REV3L: variants seen among roughly 807,000 people sequenced by gnomAD.
The protein encoded by REV3L is REV3 like, DNA directed polymerase zeta catalytic subunit.
In REV3L, 69 loss-of-function variants were observed where a neutral mutation model predicts 299.4. That is an observed-to-expected ratio of 0.23 (90% CI 0.19 to 0.28). The LOEUF (loss-of-function observed/expected upper bound fraction) is 0.28. Among genes scored for constraint, REV3L ranks in the 10% least tolerant of loss-of-function variants. The pLI is 1.00. For missense variants in REV3L, 3,128 were observed against 3,693.8 expected (o/e 0.85, Z 3.97); for synonymous variants, 1,238 against 1,271.4 (o/e 0.97, Z 0.56).
At chr6:111,337,148 C>T (rs185216674) in intron 21 of REV3L, among the ~76,000 whole-genome samples, 4 of 152,058 alleles carry the variant, frequency 2.6e-5, no homozygotes, top group Non-Finnish European at 5.9e-5. Flanking sequence ...GCAGGATTTC[C>T]ATTTAGAGTA....
chr6:111,394,706 ATTT>A (rs35239605), intron 4 of REV3L, among the ~76,000 whole-genome samples: 2 of 139,458 alleles, frequency 1.4e-5, no homozygotes. Flanking sequence ...CTGTCCTACA[ATTT>A]TTTTTTTTTT....
intron 31 of REV3L, among the ~76,000 whole-genome samples, chr6:111,305,603 A>G (rs1442481005): frequency 6.6e-6 from 1 of 152,074 alleles, no homozygotes; most frequent in Non-Finnish European, 1.5e-5. Context: ...AAAATAAAAT[A>G]AAAATAAATA....
intron 2 of REV3L, among the ~76,000 whole-genome samples, chr6:111,412,448 G>A (rs1010696943): frequency 8.5e-5 from 13 of 152,122 alleles, no homozygotes; most frequent in African/African-American, 3.1e-4. Context: ...CAAGGATGAT[G>A]TAATTAGAAA....
At chr6:111,452,775 TTATTA>T (rs1254341206) in intron 1 of REV3L, among the ~76,000 whole-genome samples, 6 of 152,180 alleles carry the variant, frequency 3.9e-5, no homozygotes, top group African/African-American at 2.4e-5. Flanking sequence ...TTGGTCCATT[TTATTA>T]TATGTAAATT....
chr6:111,407,621 CA>C (rs1230245441), intron 3 of REV3L, among the ~76,000 whole-genome samples: 3 of 152,050 alleles, frequency 2.0e-5, no homozygotes, highest in Admixed American at 2.0e-4. Flanking sequence ...GGGTAGAAGC[CA>C]TATTGTAGTA....
chr6:111,345,065 A>G (rs1345186635), intron 20 of REV3L, among the ~76,000 whole-genome samples: 1 of 152,240 alleles, frequency 6.6e-6, no homozygotes, highest in Non-Finnish European at 1.5e-5. Context: ...GGTAGAGAGC[A>G]ATAGAATGAG....
Position 111,299,082 on chromosome 6 carries a change from T to C in REV3L, c.*934A>G, listed in dbSNP as rs1226210671. 4 of 152,642 alleles carry C rather than the reference T, an allele frequency of 2.6e-5. No individual in the cohort carries two copies. The South Asian group carries it at 6.2e-4, about 24-fold the overall frequency. 9.5% of individuals were successfully genotyped at this position (152,642 alleles called of 1,614,324 possible). On this transcript the variant is annotated 3_prime_UTR_variant, in exon 32 of 32. Coordinates refer to ENST00000368802, the MANE Select transcript of REV3L (RefSeq NM_001372078.1). ...TTAATATGGTTTCCATTATTAACTT[T>C]TAAAACAAAATGATTTCCAGTTTAA...
intron 31 of REV3L, among the ~76,000 whole-genome samples, chr6:111,306,586 A>G (rs985217176): frequency 2.0e-5 from 3 of 152,190 alleles, no homozygotes; most frequent in East Asian, 1.9e-4. Context: ...TTTTATGTCT[A>G]TATCCCAGCT....
At chr6:111,372,435 G>A (rs1779891904) in intron 13 of REV3L, among the ~76,000 whole-genome samples, 161 bp downstream of exon 13, 1 of 152,138 alleles carries the variant, frequency 6.6e-6, no homozygotes, top group Non-Finnish European at 1.5e-5. Context: ...TCTGTAATTA[G>A]AAATACTTTC....
chr6:111,383,473 C>T (rs1781039824), intron 9 of REV3L, among the ~76,000 whole-genome samples: 1 of 152,084 alleles, frequency 6.6e-6, no homozygotes, highest in Non-Finnish European at 1.5e-5. Flanking sequence ...CAACAGTGAA[C>T]AATCTGAATA....
At position 111,387,818 on chromosome 6, in the gene REV3L, T is replaced by C. The variant is rs142514520; in HGVS notation, c.1043A>G (p.Gln348Arg). Residue 348 changes from glutamine (Q) to arginine (R), a missense_variant, in exon 9 of 32, where the codon CAG (glutamine) becomes CGG (arginine). Transcript: ENST00000368802. ...HSEVLSPEML[Q>R]CTPANMVEVH... ...TTCTACCATATTGGCTGGTGTACAC[T>C]GAAGCATTTCAGGAGACAGAACCTC... 2.1e-5 allele frequency: 34 copies of C among 1,613,840 alleles called. No individual in the cohort carries two copies. The highest frequency in any genetic ancestry group is 1.6e-4 in the Middle Eastern group (1 of 6,084).
intron 25 of REV3L, among the ~76,000 whole-genome samples, chr6:111,327,935 T>C (rs967975767): frequency 3.3e-5 from 5 of 152,208 alleles, no homozygotes; most frequent in African/African-American, 1.2e-4. Flanking sequence ...GTGAAGACTT[T>C]ATGCTTTCCC....
intron 14 of REV3L, among the ~76,000 whole-genome samples, chr6:111,366,021 G>T (rs901037192): frequency 2.0e-5 from 3 of 152,152 alleles, no homozygotes; most frequent in Non-Finnish European, 4.4e-5. Context: ...GATAAGGCTT[G>T]GTTAGGGACT....
intron 1 of REV3L, among the ~76,000 whole-genome samples, chr6:111,450,390 G>A (rs575760876): frequency 1.4e-3 from 203 of 146,054 alleles, no homozygotes; most frequent in African/African-American, 4.9e-3. Context: ...GAGATGGGAG[G>A]ACTGCTTGAG....
intron 3 of REV3L, among the ~76,000 whole-genome samples, chr6:111,407,152 G>A (rs1317259930): frequency 6.6e-6 from 1 of 152,050 alleles, no homozygotes; most frequent in Non-Finnish European, 1.5e-5. Flanking sequence ...AAATTTCTCT[G>A]CCTTGTGAGC....
chr6:111,379,670 T>C (rs937547101), intron 11 of REV3L, among the ~76,000 whole-genome samples: 5 of 152,218 alleles, frequency 3.3e-5, no homozygotes, highest in African/African-American at 1.2e-4. Flanking sequence ...CACAGGGCAT[T>C]CTTTTTCTTA....
intron 2 of REV3L, among the ~76,000 whole-genome samples, chr6:111,413,352 G>A (rs539558457): frequency 4.7e-4 from 71 of 152,166 alleles, no homozygotes; most frequent in South Asian, 2.1e-3. Flanking sequence ...ATTATATCTC[G>A]TAATTAGTTT....
chr6:111,416,146 A>G, intron 2 of REV3L, 137 bp downstream of exon 2: 1 of 535,524 alleles, frequency 1.9e-6, no homozygotes, highest in Non-Finnish European at 2.9e-6. Flanking sequence ...TTCATGTTAA[A>G]AAGTTACAGC....
intron 1 of REV3L, among the ~76,000 whole-genome samples, chr6:111,417,662 T>C (rs1346142200): frequency 1.3e-5 from 2 of 152,042 alleles, no homozygotes; most frequent in African/African-American, 4.8e-5. Context: ...TAGAAAGTAG[T>C]TCTACACTGT....
Sources: gnomAD v4.1 joint callset for allele counts (sites outside exome capture counted in the v4.1 genomes callset) on GRCh38, gnomAD v4.1.1 for gene constraint, MANE v1.5 for transcripts, NCBI Gene and HGNC (gene_info 2026-07-23, HGNC 2026-07-21) for gene names.